Variants in SLC35F1 observed in about 807,000 individuals in gnomAD.
SLC35F1 encodes chromosome 6 open reading frame 169.
SLC35F1 carries 14 observed loss-of-function variants against 48.7 expected under a neutral mutation model. The ratio of observed to expected loss-of-function variants is 0.29; its 90% CI spans 0.19 to 0.45. SLC35F1 has a LOEUF of 0.45. Among genes scored for constraint, SLC35F1 ranks in the 20% least tolerant of loss-of-function variants. The probability of loss-of-function intolerance (pLI) is 1.00; values close to 1 mark genes in which losing one functional copy is unlikely to be tolerated. For missense variants in SLC35F1, 404 were observed against 500.0 expected (o/e 0.81, Z 1.83); for synonymous variants, 190 against 202.2 (o/e 0.94, Z 0.51).
chr6:118,164,885 T>C lies in SLC35F1; in HGVS notation c.349+10265T>C, dbSNP rs533454299. Among the ~76,000 whole-genome samples, 6 of 152,276 alleles carry C rather than the reference T, an allele frequency of 3.9e-5. No homozygotes were observed. In the South Asian group the frequency reaches 1.2e-3, roughly 32 times the overall value. The stretch of plus-strand genomic sequence containing the variant: ...TCATTTTAGATATTTTCTTACCACT[T>C]CAGTGGCCACTGTGAGAGAACTCAC... On this transcript the variant is annotated intron_variant, in intron 2 of 7. Transcript: ENST00000360388.
At chr6:118,028,013 T>A (rs1189690956) in intron 1 of SLC35F1, among the ~76,000 whole-genome samples, 1 of 152,154 alleles carries the variant, frequency 6.6e-6, no homozygotes. Flanking sequence ...CATTTAGGCC[T>A]GGGGTTCATT....
Position 117,914,466 on chromosome 6 carries a change from C to T in SLC35F1, c.173+6567C>T, listed in dbSNP as rs569833495. 2.5e-3 allele frequency among the ~76,000 whole-genome samples: 379 copies of T among 152,266 alleles called. 1 individual carries two copies. Among genetic ancestry groups the T allele is most frequent in the Non-Finnish European group, 2.9e-3 (199 of 68,028 alleles). ...GATCATATCTGAGTCTGAGAAAGCACAAAGCACTCTGGTCTGTCGTATAAG... is the reference window on the plus strand; with the variant it reads ...GATCATATCTGAGTCTGAGAAAGCATAAAGCACTCTGGTCTGTCGTATAAG... On this transcript the variant is annotated intron_variant, in intron 1 of 7. Coordinates refer to ENST00000360388, the MANE Select transcript of SLC35F1 (RefSeq NM_001029858.4).
At chr6:118,136,216 T>A (rs192480785) in intron 1 of SLC35F1, among the ~76,000 whole-genome samples, 2 of 152,184 alleles carry the variant, frequency 1.3e-5, no homozygotes, top group Admixed American at 6.5e-5. Context: ...TACATTTACA[T>A]TGGAGTATTT....
In SLC35F1 at chr6:118,277,423, G is replaced by A. The variant is rs76841131; in HGVS notation, c.795-71G>A. On this transcript the variant is annotated intron_variant, in intron 5 of 7. Coordinates refer to ENST00000360388, the MANE Select transcript of SLC35F1 (RefSeq NM_001029858.4). ...TTGTATACATCTGATAAGTGGGGGG[G>A]AAAAAAGAAAGAAAGAAAGTAGAGT... The A allele has an allele frequency of 8.1e-3, 11,083 of 1,368,816 alleles. 714 individuals are homozygous for A. The African/African-American group carries it at 0.14, about 17-fold the overall frequency. The allele number at this position is 1,368,816 out of a possible 1,614,324, so 84.8% of individuals were successfully genotyped here. A position where few individuals can be genotyped will look rare whatever the true frequency, so the allele number is the denominator to read the frequency against.
At chr6:118,110,285 G>A (rs558394660) in intron 1 of SLC35F1, among the ~76,000 whole-genome samples, 1 of 152,146 alleles carries the variant, frequency 6.6e-6, no homozygotes, top group Non-Finnish European at 1.5e-5. Context: ...CCTGAAAAAT[G>A]GAGAAATGGA....
chr6:118,254,343 A>G (rs1285781213), intron 3 of SLC35F1, among the ~76,000 whole-genome samples: 1 of 152,140 alleles, frequency 6.6e-6, no homozygotes, highest in Admixed American at 6.6e-5. Flanking sequence ...GTGCGGTGGT[A>G]TGATCCTAGC....
chr6:118,232,557 A>G (rs1036350495), intron 2 of SLC35F1, among the ~76,000 whole-genome samples: 3 of 151,618 alleles, frequency 2.0e-5, no homozygotes, highest in Non-Finnish European at 2.9e-5. Flanking sequence ...CCAAAAAAAA[A>G]AAAAAAAAAA....
At chr6:118,268,641 G>A (rs568268362) in intron 4 of SLC35F1, among the ~76,000 whole-genome samples, 125 of 110,082 alleles carry the variant, frequency 1.1e-3, no homozygotes, top group African/African-American at 4.0e-3. Context: ...ACAGAGTCCC[G>A]CTCTGTTGCC....
intron 2 of SLC35F1, among the ~76,000 whole-genome samples, chr6:118,201,506 T>G (rs1774873588): frequency 6.6e-6 from 1 of 152,226 alleles, no homozygotes; most frequent in South Asian, 2.1e-4. Flanking sequence ...ATCTCCATCA[T>G]TTAGCCCTGA....
intron 2 of SLC35F1, among the ~76,000 whole-genome samples, chr6:118,229,269 A>G (rs1775258429): frequency 6.6e-6 from 1 of 152,198 alleles, no homozygotes; most frequent in Admixed American, 6.5e-5. Context: ...GCCTTATTTC[A>G]CATTTCACAG....
At chr6:117,947,452 G>A (rs1776309665) in intron 1 of SLC35F1, among the ~76,000 whole-genome samples, 1 of 152,176 alleles carries the variant, frequency 6.6e-6, no homozygotes, top group African/African-American at 2.4e-5. Context: ...TTTTAGCAGA[G>A]AAGAAGTGTA....
chr6:118,205,919 G>A (rs1774930124), intron 2 of SLC35F1, among the ~76,000 whole-genome samples: 1 of 152,060 alleles, frequency 6.6e-6, no homozygotes, highest in Admixed American at 6.6e-5. Flanking sequence ...ACTTATATGA[G>A]GTATATAGAC....
At chr6:117,927,119 G>A (rs1430872715) in intron 1 of SLC35F1, among the ~76,000 whole-genome samples, 3 of 152,172 alleles carry the variant, frequency 2.0e-5, no homozygotes, top group African/African-American at 4.8e-5. Flanking sequence ...CTACCTCATA[G>A]GGATACTGAA....
chr6:118,050,317 T>C (rs1249895653), intron 1 of SLC35F1, among the ~76,000 whole-genome samples: 3 of 151,246 alleles, frequency 2.0e-5, no homozygotes, highest in Non-Finnish European at 4.4e-5. Context: ...TATACATATG[T>C]AACTAACCTG....
intron 6 of SLC35F1, among the ~76,000 whole-genome samples, chr6:118,281,204 C>CTCTCTA (rs367855949): frequency 1.3e-3 from 165 of 130,480 alleles, no homozygotes; most frequent in Middle Eastern, 8.4e-3. Flanking sequence ...CTCTCTCTCT[C>CTCTCTA]TATATATATA....
At chr6:118,007,797 G>A (rs1351233938) in intron 1 of SLC35F1, among the ~76,000 whole-genome samples, 1 of 152,052 alleles carries the variant, frequency 6.6e-6, no homozygotes, top group Non-Finnish European at 1.5e-5. Context: ...TGGAGCTCAG[G>A]GTCTTCTTGG....
chr6:118,249,237 C>T lies in SLC35F1; in HGVS notation c.477+13601C>T, dbSNP rs531774995. ...TTCTGAGAGCCTTCTCCAAATAGAA[C>T]TGGAAACATAACTGTAAGAGCAGGT... On this transcript the variant is annotated intron_variant, in intron 3 of 7. Coordinates refer to ENST00000360388, the MANE Select transcript of SLC35F1 (RefSeq NM_001029858.4). Among the ~76,000 whole-genome samples, 168 of 152,336 alleles carry T rather than the reference C, an allele frequency of 1.1e-3. 1 individual carries two copies. Among genetic ancestry groups the T allele is most frequent in the African/African-American group, 3.8e-3 (157 of 41,586 alleles).
At chr6:118,133,432 T>C (rs1773746581) in intron 1 of SLC35F1, among the ~76,000 whole-genome samples, 1 of 152,150 alleles carries the variant, frequency 6.6e-6, no homozygotes, top group Non-Finnish European at 1.5e-5. Flanking sequence ...TTTAGATACA[T>C]AAATGACAAC....
Position 117,935,325 on chromosome 6 carries a change from A to G in SLC35F1, c.173+27426A>G, listed in dbSNP as rs533337926. On this transcript the variant is annotated intron_variant, in intron 1 of 7. Transcript: ENST00000360388. The stretch of plus-strand genomic sequence containing the variant: ...GTTATGCTCTATAAAGTTGCTGCAA[A>G]TTAGTAAGTAAGCAAATACTGAATT... Among the ~76,000 whole-genome samples the G allele has an allele frequency of 2.4e-4, 37 of 152,316 alleles. No homozygotes were observed. In the South Asian group the frequency reaches 6.6e-3, roughly 27 times the overall value.
Sources: allele counts gnomAD v4.1 joint callset (sites outside exome capture counted in the v4.1 genomes callset), GRCh38; gene constraint gnomAD v4.1.1; transcripts MANE v1.5; gene names NCBI Gene and HGNC (gene_info 2026-07-23, HGNC 2026-07-21).